PDXK: variants seen among roughly 807,000 people sequenced by gnomAD.
PDXK encodes the protein pyridoxal kinase.
In PDXK, 15 loss-of-function variants were observed where a neutral mutation model predicts 43.2. The ratio of observed to expected loss-of-function variants is 0.35; its 90% CI spans 0.23 to 0.53. PDXK has a LOEUF of 0.53. Among genes scored for constraint, PDXK ranks in the 20% least tolerant of loss-of-function variants. The probability of loss-of-function intolerance (pLI) is 0.92; values close to 1 mark genes in which losing one functional copy is unlikely to be tolerated. For synonymous variants in PDXK, 172 were observed against 165.4 expected (o/e 1.04, Z -0.31); for missense variants, 343 against 417.0 (o/e 0.82, Z 1.54).
At chr21:43,750,732 C>CGT (rs1568990636) in intron 7 of PDXK, among the ~76,000 whole-genome samples, 187 bp downstream of exon 7, 5 of 124,364 alleles carry the variant, frequency 4.0e-5, no homozygotes, top group East Asian at 2.7e-4. Context: ...CATGTTTGTG[C>CGT]ATGTGTGTGT....
Position 43,732,757 on chromosome 21 carries a change from A to T in PDXK, c.88-1312A>T, listed in dbSNP as rs1441907558. On this transcript the variant is annotated intron_variant, in intron 1 of 10. Transcript: ENST00000291565. The surrounding 1 kb of genome is among the most constrained non-coding windows in gnomAD (Gnocchi z 4.1). ...CATTTTATTTTTTATTTTTATTTTTATGTTTTTTGAGACATATTCTCACTC... is the reference window on the plus strand; with the variant it reads ...CATTTTATTTTTTATTTTTATTTTTTTGTTTTTTGAGACATATTCTCACTC... 3.1e-6 allele frequency: 2 copies of T among 640,006 alleles called. No individual in the cohort carries two copies. Among genetic ancestry groups the T allele is most frequent in the Non-Finnish European group, 5.5e-6 (2 of 363,990 alleles). The allele number at this position is 640,006 out of a possible 1,614,324, so 39.6% of individuals were successfully genotyped here.
chr21:43,752,025 G>A (rs1036077637), intron 7 of PDXK, among the ~76,000 whole-genome samples: 1 of 152,226 alleles, frequency 6.6e-6, no homozygotes, highest in Non-Finnish European at 1.5e-5. Context: ...ATTGGGTCCT[G>A]GGACTGCAGA....
chr21:43,741,812 C>A, intron 3 of PDXK, 41 bp downstream of exon 3: 1 of 1,346,700 alleles, frequency 7.4e-7, no homozygotes, highest in Non-Finnish European at 1.1e-6. Context: ...CTACGCACCC[C>A]ACTCCAGCCA....
chr21:43,736,422 A>T (rs2083403033), intron 2 of PDXK, among the ~76,000 whole-genome samples: 1 of 152,226 alleles, frequency 6.6e-6, no homozygotes, highest in African/African-American at 2.4e-5. Context: ...GAGCCCAGCC[A>T]CAAGCAGCCG....
At chr21:43,733,424 A>G (rs530632482) in intron 1 of PDXK, among the ~76,000 whole-genome samples, 1 of 152,204 alleles carries the variant, frequency 6.6e-6, no homozygotes, top group East Asian at 1.9e-4. Flanking sequence ...GAGGGTGGGG[A>G]TGGCCCCCCA....
chr21:43,719,351 G>C lies in PDXK; in HGVS notation c.57G>C (p.Val19=). The change falls in exon 1 of 11, where the codon GTG becomes GTC. Residue 19 remains valine (V), a synonymous_variant. Coordinates refer to ENST00000291565, the MANE Select transcript of PDXK (RefSeq NM_003681.5). ...AGAGCCACGTCATCCGCGGCTACGT[G>C]GGCAACCGGGCGGCCACGTTCCCGC... The part of the protein sequence containing the change: ...SIQSHVIRGY[V]GNRAATFPLQ... 6.6e-7 allele frequency: 1 copy of C among 1,526,250 alleles called. No individual in the cohort carries two copies. The highest frequency in any genetic ancestry group is 2.2e-4 in the Middle Eastern group (1 of 4,618). 94.5% of individuals were successfully genotyped at this position (1,526,250 alleles called of 1,614,324 possible).
intron 1 of PDXK, among the ~76,000 whole-genome samples, chr21:43,731,785 C>G (rs1397273729): frequency 6.6e-6 from 1 of 152,170 alleles, no homozygotes; most frequent in Non-Finnish European, 1.5e-5. Flanking sequence ...GAAACCAGAG[C>G]AACAATCGTA....
intron 1 of PDXK, among the ~76,000 whole-genome samples, chr21:43,721,087 A>G (rs1424627699): frequency 6.6e-6 from 1 of 152,172 alleles, no homozygotes; most frequent in Non-Finnish European, 1.5e-5. Flanking sequence ...GGTTCCATGC[A>G]GGCATTTTGC....
chr21:43,741,520 C>CTA, intron 2 of PDXK, 147 bp from the exon 3 acceptor site: 1 of 1,470,106 alleles, frequency 6.8e-7, no homozygotes, highest in Non-Finnish European at 9.0e-7. Context: ...AGCACTGCGC[C>CTA]TAGTGATCTC....
intron 2 of PDXK, among the ~76,000 whole-genome samples, chr21:43,740,520 A>G (rs192193544): frequency 6.6e-6 from 1 of 152,132 alleles, no homozygotes; most frequent in East Asian, 1.9e-4. Context: ...TCATGGGCGA[A>G]TGTGGGGTAT....
At chr21:43,726,018 C>T (rs1324290254) in intron 1 of PDXK, among the ~76,000 whole-genome samples, 1 of 150,726 alleles carries the variant, frequency 6.6e-6, no homozygotes, top group Non-Finnish European at 1.5e-5. Context: ...GGGATTCTCT[C>T]TCTCTCTCTC....
intron 5 of PDXK, among the ~76,000 whole-genome samples, chr21:43,747,709 A>G (rs2083662634): frequency 6.6e-6 from 1 of 152,194 alleles, no homozygotes; most frequent in African/African-American, 2.4e-5. Flanking sequence ...AGTTGGGGCC[A>G]CTGTCCAGTT....
chr21:43,745,910 T>G, intron 4 of PDXK, 169 bp from the exon 5 acceptor site: 1 of 640,954 alleles, frequency 1.6e-6, no homozygotes, highest in Non-Finnish European at 2.9e-6. Context: ...GGCAGGAGGA[T>G]CGCCCGAGCC....
rs772418296 is a variant in PDXK at position 43,741,610 on chromosome 21, C to T, written c.143-57C>T. The T allele has an allele frequency of 4.6e-5, 74 of 1,592,538 alleles. 1 individual carries two copies. In the South Asian group the frequency reaches 8.1e-4, roughly 18 times the overall value. On this transcript the variant is annotated intron_variant, in intron 2 of 10. Transcript: ENST00000291565. ...AGAGTGGGCGGGTGTCAAGGGAAGC[C>T]CACGGCCCCAGCTGGCCCCCTTGTG...
At chr21:43,730,210 C>T (rs1398752612) in intron 1 of PDXK, among the ~76,000 whole-genome samples, 1 of 152,086 alleles carries the variant, frequency 6.6e-6, no homozygotes, top group Non-Finnish European at 1.5e-5. Flanking sequence ...ACTGCAACCT[C>T]CGCCTCCCAG....
chr21:43,727,922 C>G (rs1370558704), intron 1 of PDXK, among the ~76,000 whole-genome samples: 1 of 152,258 alleles, frequency 6.6e-6, no homozygotes, highest in Admixed American at 6.5e-5. Flanking sequence ...CCCCAGCTGT[C>G]TGGCCATCTG....
chr21:43,740,764 C>G (rs1262473540), intron 2 of PDXK, among the ~76,000 whole-genome samples: 1 of 151,860 alleles, frequency 6.6e-6, no homozygotes, highest in Non-Finnish European at 1.5e-5. Flanking sequence ...GCTGAGGCCT[C>G]TTTCTCATTC....
Position 43,737,231 on chromosome 21 carries a change from G to C in PDXK, c.142+3108G>C, listed in dbSNP as rs933247941. 3 of 1,424,114 alleles carry C rather than the reference G, an allele frequency of 2.1e-6. No homozygotes were observed. Among genetic ancestry groups the C allele is most frequent in the African/African-American group, 2.9e-5 (2 of 69,426 alleles). 88.2% of individuals were successfully genotyped at this position (1,424,114 alleles called of 1,614,324 possible). A position where few individuals can be genotyped will look rare whatever the true frequency, so the allele number is the denominator to read the frequency against. ...TTGGTTCCCTGACGCCCTTCAGGCT[G>C]GGGGGTGGGAAAGCCGATCCCCCAA... On this transcript the variant is annotated intron_variant, in intron 2 of 10. Transcript: ENST00000291565. This position sits in a 1 kb window ranked among gnomAD's most constrained non-coding sequence, Gnocchi z 4.8.
At chr21:43,752,472 C>T in intron 7 of PDXK, 46 bp from the exon 8 acceptor site, 1 of 1,332,336 alleles carries the variant, frequency 7.5e-7, no homozygotes. Context: ...CCAGCCGTGG[C>T]TGACATGTGA....
Sources: allele counts gnomAD v4.1 joint callset (sites outside exome capture counted in the v4.1 genomes callset), GRCh38; gene constraint gnomAD v4.1.1; non-coding constraint Gnocchi (gnomAD v3.1); transcripts MANE v1.5; gene names NCBI Gene and HGNC (gene_info 2026-07-23, HGNC 2026-07-21).